Variants in TNRC6A observed in about 807,000 individuals in gnomAD.
The protein encoded by TNRC6A is trinucleotide repeat containing adaptor 6A.
Under a neutral mutation model 221.2 loss-of-function variants are expected in TNRC6A, and 44 were observed. The observed-to-expected ratio is 0.20, with a 90% CI of 0.16 to 0.26. TNRC6A has a LOEUF of 0.26. Among genes scored for constraint, TNRC6A ranks in the 10% least tolerant of loss-of-function variants. TNRC6A has a pLI of 1.00. For synonymous variants in TNRC6A, 847 were observed against 838.5 expected, an observed-to-expected ratio of 1.01 and a Z score of -0.18; for missense variants, 2,199 against 2,404.4, an observed-to-expected ratio of 0.91 and a Z score of 1.79.
At chr16:24,672,050 T>A (rs1471020831) in intron 2 of TNRC6A, among the ~76,000 whole-genome samples, 2 of 152,202 alleles carry the variant, frequency 1.3e-5, no homozygotes, top group Non-Finnish European at 2.9e-5. Context: ...TGTTAGGAAA[T>A]CATTTTTAAT....
intron 22 of TNRC6A, 108 bp downstream of exon 22, chr16:24,820,468 C>G (rs780296701): frequency 9.4e-6 from 9 of 962,484 alleles, no homozygotes; most frequent in Non-Finnish European, 1.3e-5. Flanking sequence ...TGCCTCACCT[C>G]CATCAGGGGG....
At position 24,793,458 on chromosome 16, in the gene TNRC6A, CCA is replaced by C; in HGVS notation, c.3176-11_3176-10del. ...CCTTCTATGCTGATGACTTCTTTTCCCACACTTTCTAAAGGCTGGGGTGAGCC... is the reference window on the plus strand; with the variant it reads ...CCTTCTATGCTGATGACTTCTTTTCCCACTTTCTAAAGGCTGGGGTGAGCC... On this transcript the variant is annotated splice_polypyrimidine_tract_variant and intron_variant, in intron 6 of 24. Transcript: ENST00000395799. The C allele has an allele frequency of 7.2e-7, 1 of 1,394,570 alleles. No individual in the cohort carries two copies. The highest frequency in any genetic ancestry group is 9.4e-7 in the Non-Finnish European group (1 of 1,063,232). The allele number at this position is 1,394,570 out of a possible 1,614,324, so 86.4% of individuals were successfully genotyped here.
At chr16:24,780,147 C>A (rs2057809735) in intron 5 of TNRC6A, among the ~76,000 whole-genome samples, 1 of 152,106 alleles carries the variant, frequency 6.6e-6, no homozygotes, top group African/African-American at 2.4e-5. Flanking sequence ...TATTTTTTAT[C>A]CACCTGACAT....
intron 1 of TNRC6A, among the ~76,000 whole-genome samples, chr16:24,625,691 A>C (rs1034000179): frequency 1.4e-5 from 2 of 140,634 alleles, no homozygotes; most frequent in Non-Finnish European, 3.0e-5. Flanking sequence ...GCGCCACTGC[A>C]GTCCGCAGTC....
At chr16:24,644,521 T>G (rs1340505789) in intron 2 of TNRC6A, among the ~76,000 whole-genome samples, 2 of 152,158 alleles carry the variant, frequency 1.3e-5, no homozygotes, top group African/African-American at 4.8e-5. Flanking sequence ...CTTAAACTCC[T>G]AGGCTCAAGC....
In TNRC6A at chr16:24,823,543, C is replaced by A. The variant is rs1185888912; in HGVS notation, c.5625C>A (p.Leu1875=). 6.2e-7 allele frequency: 1 copy of A among 1,614,156 alleles called. No homozygotes were observed. The change falls in exon 25 of 25, where the codon CTC becomes CTA. Residue 1875 remains leucine, a synonymous_variant. Transcript: ENST00000395799. This position sits in a 1 kb window ranked among gnomAD's most constrained non-coding sequence, Gnocchi z 4.3. ...CCCCTTCTCCCGGCTGGCAGTCTCT[C>A]GGGTCCAGCCAGAGCCGGCTGGGCT... ...SLTPSPGWQS[L]GSSQSRLGSL... is the part of the protein sequence containing the mutation.
intron 2 of TNRC6A, among the ~76,000 whole-genome samples, chr16:24,677,314 C>A (rs1276848966): frequency 3.3e-5 from 5 of 152,056 alleles, no homozygotes; most frequent in African/African-American, 1.2e-4. Flanking sequence ...AGGCACCCAC[C>A]ACCACACCCA....
At chr16:24,648,849 C>A (rs115371470) in intron 2 of TNRC6A, among the ~76,000 whole-genome samples, 1 of 152,164 alleles carries the variant, frequency 6.6e-6, no homozygotes, top group East Asian at 1.9e-4. Flanking sequence ...ATAGTTTCCA[C>A]CTTATTCTCA....
chr16:24,734,587 G>A (rs1354805914), intron 2 of TNRC6A, among the ~76,000 whole-genome samples: 1 of 152,108 alleles, frequency 6.6e-6, no homozygotes, highest in Non-Finnish European at 1.5e-5. Context: ...AACAGATTCA[G>A]TAACTTACGC....
At chr16:24,725,594 C>A (rs1399386567), upstream of TNRC6A, among the ~76,000 whole-genome samples, 4 of 151,890 alleles carry the variant, frequency 2.6e-5, no homozygotes, top group African/African-American at 7.3e-5. Context: ...AAGAAACATT[C>A]TTTGTTGCAT....
At chr16:24,806,905 C>G in intron 17 of TNRC6A, 121 bp downstream of exon 17, 3 of 947,080 alleles carry the variant, frequency 3.2e-6, no homozygotes, top group Non-Finnish European at 4.8e-6. Context: ...TTAGCTGTTC[C>G]CTCTCAGAGA....
chr16:24,818,857 A>C (rs547551533), intron 21 of TNRC6A, among the ~76,000 whole-genome samples, 157 bp downstream of exon 21: 11 of 152,246 alleles, frequency 7.2e-5, no homozygotes, highest in East Asian at 1.9e-4. Flanking sequence ...ACTCCTTTTT[A>C]AACTTACTGT....
intron 2 of TNRC6A, among the ~76,000 whole-genome samples, chr16:24,700,922 C>T (rs1465855637): frequency 6.6e-6 from 1 of 152,210 alleles, no homozygotes; most frequent in Non-Finnish European, 1.5e-5. Context: ...ATGTTTCTCT[C>T]GCTCTTTGGA....
At chr16:24,800,693 C>T (rs2058314375) in intron 11 of TNRC6A, among the ~76,000 whole-genome samples, 1 of 152,154 alleles carries the variant, frequency 6.6e-6, no homozygotes, top group South Asian at 2.1e-4. Flanking sequence ...CCTCTAGAGT[C>T]CTGGGAAAAG....
chr16:24,823,330 C>G lies in TNRC6A; in HGVS notation c.5514-102C>G, dbSNP rs2058806100. 1 of 1,422,378 alleles carries G rather than the reference C, an allele frequency of 7.0e-7. No individual in the cohort carries two copies. Among genetic ancestry groups the G allele is most frequent in the African/African-American group, 1.4e-5 (1 of 70,238 alleles). The allele number at this position is 1,422,378 out of a possible 1,614,324, so 88.1% of individuals were successfully genotyped here. A position where few individuals can be genotyped will look rare whatever the true frequency, so the allele number is the denominator to read the frequency against. On this transcript the variant is annotated intron_variant, in intron 24 of 24. Coordinates refer to ENST00000395799, the MANE Select transcript of TNRC6A (RefSeq NM_014494.4). This position sits in a 1 kb window ranked among gnomAD's most constrained non-coding sequence, Gnocchi z 4.3. ...GGTGTAGTCTCTCCCTCTGTGCCTT[C>G]TGTGGCTTTTCTAGCAGAGACAAGT...
intron 7 of TNRC6A, 115 bp downstream of exon 7, chr16:24,793,764 A>G: frequency 1.1e-6 from 1 of 890,136 alleles, no homozygotes; most frequent in Non-Finnish European, 1.5e-6. Context: ...CATATAATGT[A>G]ACATGATAGA....
rs1367560722 is a variant in TNRC6A at position 24,766,805 on chromosome 16, T to C, written c.163+8445T>C. Reference sequence around the variant, plus strand: ...GATTCTCCTGCCTCAGCCTCCTGAGTAGCTGGGATTACAGGCGCCTGCCAC... The same window carrying C: ...GATTCTCCTGCCTCAGCCTCCTGAGCAGCTGGGATTACAGGCGCCTGCCAC... On this transcript the variant is annotated intron_variant, in intron 4 of 24. Transcript: ENST00000395799. Among the ~76,000 whole-genome samples, 4 of 151,612 alleles carry C rather than the reference T, an allele frequency of 2.6e-5. No individual in the cohort carries two copies. In the East Asian group the frequency reaches 7.8e-4, roughly 29 times the overall value.
intron 18 of TNRC6A, among the ~76,000 whole-genome samples, chr16:24,810,763 A>G (rs1353402267): frequency 6.6e-6 from 1 of 152,210 alleles, no homozygotes; most frequent in Non-Finnish European, 1.5e-5. Context: ...GCCAAGAATG[A>G]TTTTAAACAT....
upstream of TNRC6A, among the ~76,000 whole-genome samples, chr16:24,729,157 G>T (rs191205242): frequency 9.2e-5 from 14 of 152,084 alleles, no homozygotes; most frequent in African/African-American, 3.4e-4. Context: ...CCCGCCTCAG[G>T]TATGCATTCT....
Sources: allele counts gnomAD v4.1 joint callset (sites outside exome capture counted in the v4.1 genomes callset), GRCh38; gene constraint gnomAD v4.1.1; non-coding constraint Gnocchi (gnomAD v3.1); transcripts MANE v1.5; gene names NCBI Gene and HGNC (gene_info 2026-07-23, HGNC 2026-07-21).